The following URGCP variants were observed in gnomAD, a reference collection of about 807,000 sequenced individuals.
URGCP encodes upregulator of cell proliferation, also known as up-regulator of cell proliferation.
Under a neutral mutation model 24.6 loss-of-function variants are expected in URGCP, and 13 were observed. That is an observed-to-expected ratio of 0.53 (90% CI 0.34 to 0.84). URGCP has a LOEUF of 0.84. Among genes scored for constraint, URGCP ranks in the 40% least tolerant of loss-of-function variants. URGCP has a pLI of 0.01. For missense variants in URGCP, 899 were observed against 1,194.3 expected (o/e 0.75, Z 3.64); for synonymous variants, 444 against 487.2 (o/e 0.91, Z 1.17).
chr7:43,918,881 C>A, intron 1 of URGCP: 2 of 1,406,848 alleles, frequency 1.4e-6, no homozygotes, highest in Admixed American at 1.7e-5. Context: ...ACTACATCCC[C>A]CGGGCTGTGC....
Position 43,877,128 on chromosome 7 carries a change from T to C in URGCP, c.2335A>G (p.Met779Val), listed in dbSNP as rs2232108. 2.5e-6 allele frequency: 4 copies of C among 1,613,916 alleles called. No homozygotes were observed. In the East Asian group the frequency reaches 6.7e-5, roughly 27 times the overall value. The change falls in exon 6 of 6, where the codon ATG becomes GTG. Residue 779 changes from methionine (M) to valine (V), a missense_variant. Met to Val is a conservative substitution (Grantham distance 21, BLOSUM62 1). Transcript: ENST00000453200. ...ELEASLATLL[M>V]GLSNVTVISL... ...ATCACGGTGACATTGCTCAGTCCCA[T>C]GAGCAGAGTGGCCAAGGAAGCCTCC...
In URGCP at chr7:43,879,077, G is replaced by C. The variant is rs767379441; in HGVS notation, c.386C>G (p.Ala129Gly). ...LRKLQALNAD[A>G]RNTTMVLDVL... is the part of the protein sequence containing the mutation. The stretch of plus-strand genomic sequence containing the variant: ...GTCCAGCACCATAGTGGTATTCCTG[G>C]CATCAGCATTGAGGGCCTGCAACTT... Residue 129 changes from alanine (A) to glycine (G), a missense_variant, in exon 6 of 6, where the codon GCC (alanine) becomes GGC (glycine). By Grantham distance (60) the Ala-to-Gly change is moderately conservative (BLOSUM62 0). Transcript: ENST00000453200. 6 of 1,614,194 alleles carry C rather than the reference G, an allele frequency of 3.7e-6. No individual in the cohort carries two copies. Among genetic ancestry groups the C allele is most frequent in the Non-Finnish European group, 5.1e-6 (6 of 1,180,044 alleles).
chr7:43,880,052 T>C (rs1191939391), intron 5 of URGCP, among the ~76,000 whole-genome samples: 1 of 151,920 alleles, frequency 6.6e-6, no homozygotes, highest in African/African-American at 2.4e-5. Context: ...GCCTCCCAAG[T>C]AGCTGGAACT....
rs1277375902 is a variant in URGCP at position 43,877,010 on chromosome 7, A to G, written c.2453T>C (p.Val818Ala). Reference protein sequence around the residue: ...KTGHMPNYQFVYQNLHDVSVP... With the variant: ...KTGHMPNYQFAYQNLHDVSVP... ...AGATACATCATGAAGGTTCTGGTAT[A>G]CAAACTGGTAGTTGGGCATGTGCCC... Residue 818 changes from valine (V) to alanine (A), a missense_variant, in exon 6 of 6, where the codon GTA becomes GCA. By Grantham distance (64) the Val-to-Ala change is moderately conservative. Transcript: ENST00000453200. 1 of 1,614,252 alleles carries G rather than the reference A, an allele frequency of 6.2e-7. No individual in the cohort carries two copies. Among genetic ancestry groups the G allele is most frequent in the African/African-American group, 1.3e-5 (1 of 75,078 alleles).
Position 43,877,210 on chromosome 7 carries a change from T to C in URGCP, c.2253A>G (p.Ile751Met). The stretch of plus-strand genomic sequence containing the variant: ...CCCCACCTATCAAGCCCCCGGAGTC[T>C]ATCACCAGGATGTGGTCACAGCCCA... The part of the protein sequence containing the change: ...QDLGCDHILV[I>M]DSGGLIGGAL... Residue 751 changes from isoleucine (I) to methionine (M), a missense_variant, in exon 6 of 6, where the codon ATA becomes ATG. Transcript: ENST00000453200. The C allele has an allele frequency of 6.2e-7, 1 of 1,614,164 alleles. No homozygotes were observed. Among genetic ancestry groups the C allele is most frequent in the South Asian group, 1.1e-5 (1 of 91,088 alleles).
At position 43,876,425 on chromosome 7, in the gene URGCP, G is replaced by C; in HGVS notation, c.*242C>G. On this transcript the variant is annotated 3_prime_UTR_variant, in exon 6 of 6. Transcript: ENST00000453200. ...GACAGGAGCTGAGACAGAACAAACTGCTGCTTGTCTCCCTACCCTGGGGGC... is the reference window on the plus strand; with the variant it reads ...GACAGGAGCTGAGACAGAACAAACTCCTGCTTGTCTCCCTACCCTGGGGGC... The C allele has an allele frequency of 1.9e-6, 1 of 539,428 alleles. No homozygotes were observed. Among genetic ancestry groups the C allele is most frequent in the Non-Finnish European group, 3.3e-6 (1 of 302,716 alleles). The allele number at this position is 539,428 out of a possible 1,614,324, so 33.4% of individuals were successfully genotyped here.
intron 1 of URGCP, among the ~76,000 whole-genome samples, chr7:43,896,013 T>A (rs1326514816): frequency 6.6e-6 from 1 of 152,146 alleles, no homozygotes; most frequent in African/African-American, 2.4e-5. Context: ...TAAAAAAGAA[T>A]GGAATCATAT....
upstream of URGCP, chr7:43,906,666 C>T (rs1356297350): frequency 3.3e-5 from 37 of 1,119,808 alleles, no homozygotes; most frequent in East Asian, 4.6e-5. Flanking sequence ...GCCGGCCGCC[C>T]GCCCGCTCCG....
At chr7:43,883,544 G>C (rs936444287) in intron 3 of URGCP, among the ~76,000 whole-genome samples, 1 of 151,258 alleles carries the variant, frequency 6.6e-6, no homozygotes. Flanking sequence ...TGTATTTTTA[G>C]TAGAGACAGG....
At chr7:43,892,662 C>G (rs910784694) in intron 1 of URGCP, among the ~76,000 whole-genome samples, 2 of 151,936 alleles carry the variant, frequency 1.3e-5, no homozygotes, top group Admixed American at 1.3e-4. Flanking sequence ...GAAATCACAC[C>G]CTATCTCCAA....
At chr7:43,881,432 G>A (rs11767571) in intron 5 of URGCP, among the ~76,000 whole-genome samples, 2 of 151,608 alleles carry the variant, frequency 1.3e-5, no homozygotes, top group Non-Finnish European at 2.9e-5. Context: ...GGGTGGTGGA[G>A]GGGGGGCCTG....
chr7:43,922,910 TTC>T (rs1426672405), intron 1 of URGCP, among the ~76,000 whole-genome samples: 3 of 151,678 alleles, frequency 2.0e-5, no homozygotes, highest in African/African-American at 7.3e-5. Flanking sequence ...CTTTCTTTCT[TTC>T]TCTTTCTTTC....
intron 1 of URGCP, among the ~76,000 whole-genome samples, chr7:43,889,820 C>T (rs1396370219): frequency 6.6e-6 from 1 of 152,186 alleles, no homozygotes; most frequent in African/African-American, 2.4e-5. Flanking sequence ...CTGTACACAC[C>T]CTACTTCACT....
At chr7:43,894,149 C>T (rs1324367423) in intron 1 of URGCP, among the ~76,000 whole-genome samples, 1 of 152,086 alleles carries the variant, frequency 6.6e-6, no homozygotes, top group African/African-American at 2.4e-5. Flanking sequence ...ATTCAATACC[C>T]ATTTTCAGCA....
At chr7:43,919,883 T>A in intron 1 of URGCP, 1 of 1,302,824 alleles carries the variant, frequency 7.7e-7, no homozygotes, top group African/African-American at 1.5e-5. Flanking sequence ...GTCGCCAATA[T>A]GACAAGCTGC....
intron 1 of URGCP, chr7:43,919,562 C>T: frequency 7.1e-7 from 1 of 1,414,426 alleles, no homozygotes; most frequent in Non-Finnish European, 1.0e-6. Flanking sequence ...TGAGGAAGAC[C>T]ATGGTCCTGG....
intron 1 of URGCP, among the ~76,000 whole-genome samples, chr7:43,915,888 A>G (rs2095914896): frequency 6.6e-6 from 1 of 152,172 alleles, no homozygotes; most frequent in African/African-American, 2.4e-5. Context: ...ATGCACCTGT[A>G]ATCTCAGCTA....
chr7:43,919,200 T>C (rs534339563), intron 1 of URGCP: 2 of 886,004 alleles, frequency 2.3e-6, no homozygotes, highest in East Asian at 2.4e-5. Flanking sequence ...GGTGCAGACA[T>C]ACTCAGTGTT....
At chr7:43,920,424 G>A (rs1425519499) in intron 1 of URGCP, among the ~76,000 whole-genome samples, 1 of 152,122 alleles carries the variant, frequency 6.6e-6, no homozygotes, top group Non-Finnish European at 1.5e-5. Flanking sequence ...TTAGCTGGGT[G>A]TGGTGGCACT....
Sources: allele counts gnomAD v4.1 joint callset (sites outside exome capture counted in the v4.1 genomes callset), GRCh38; gene constraint gnomAD v4.1.1; transcripts MANE v1.5; gene names NCBI Gene and HGNC (gene_info 2026-07-23, HGNC 2026-07-21).